Variants in EHF observed in about 807,000 individuals in gnomAD.
EHF encodes ETS homologous factor.
Under a neutral mutation model 45.1 loss-of-function variants are expected in EHF, and 14 were observed. That is an observed-to-expected ratio of 0.31 (90% CI 0.21 to 0.49). The LOEUF (loss-of-function observed/expected upper bound fraction) is 0.49. Among genes scored for constraint, EHF ranks in the 20% least tolerant of loss-of-function variants. The probability of loss-of-function intolerance (pLI) is 0.99; values close to 1 mark genes in which losing one functional copy is unlikely to be tolerated. For synonymous variants in EHF, 136 were observed against 131.8 expected (o/e 1.03, Z -0.22); for missense variants, 282 against 371.4 (o/e 0.76, Z 1.98).
intron 1 of EHF, among the ~76,000 whole-genome samples, chr11:34,641,275 C>T (rs958561504): frequency 2.6e-5 from 4 of 152,158 alleles, no homozygotes; most frequent in Non-Finnish European, 5.9e-5. Context: ...TGTGTGTAGC[C>T]TAGTTCAACC....
At chr11:34,637,271 T>C (rs1464934580) in intron 1 of EHF, among the ~76,000 whole-genome samples, 1 of 152,082 alleles carries the variant, frequency 6.6e-6, no homozygotes, top group African/African-American at 2.4e-5. Context: ...AGGCTGTGCA[T>C]GGTGGTCAGG....
At chr11:34,647,562 A>AT (rs1411512789) in intron 3 of EHF, among the ~76,000 whole-genome samples, 1 of 152,224 alleles carries the variant, frequency 6.6e-6, no homozygotes, top group African/African-American at 2.4e-5. Flanking sequence ...AAGTAGCAAT[A>AT]TTTAAGAACA....
intron 6 of EHF, among the ~76,000 whole-genome samples, chr11:34,656,102 A>T (rs942041882): frequency 5.3e-5 from 8 of 152,066 alleles, no homozygotes; most frequent in African/African-American, 1.9e-4. Flanking sequence ...ACTCACACTC[A>T]CACACACACG....
In EHF at chr11:34,662,271, C is replaced by T. The variant is rs1406910753; in HGVS notation, c.*3340C>T. On this transcript the variant is annotated 3_prime_UTR_variant, in exon 9 of 9. Transcript: ENST00000257831. Reference sequence around the variant, plus strand: ...AATCATTTCTTCAGTGGAATAAGAGCACAACGGCACAACCTTCAAGGACAT... The same window carrying T: ...AATCATTTCTTCAGTGGAATAAGAGTACAACGGCACAACCTTCAAGGACAT... Among the ~76,000 whole-genome samples the T allele has an allele frequency of 6.6e-6, 1 of 152,072 alleles. No individual in the cohort carries two copies. The highest frequency in any genetic ancestry group is 1.9e-4 in the East Asian group (1 of 5,192).
In EHF at chr11:34,649,231, C is replaced by A. The variant is rs186968926; in HGVS notation, c.406+150C>A. 10 of 734,458 alleles carry A rather than the reference C, an allele frequency of 1.4e-5. No individual in the cohort carries two copies. The Admixed American group carries it at 1.7e-4, about 13-fold the overall frequency. The allele number at this position is 734,458 out of a possible 1,614,324, so 45.5% of individuals were successfully genotyped here. On this transcript the variant is annotated intron_variant, in intron 4 of 8. Transcript: ENST00000257831. ...GGCTGTCTCTGATGGGCCACCCCCA[C>A]CATGAATCTCATTCTTGCCCTTGCG...
intron 4 of EHF, among the ~76,000 whole-genome samples, chr11:34,650,348 T>C (rs903699376): frequency 1.3e-5 from 2 of 152,160 alleles, no homozygotes; most frequent in African/African-American, 2.4e-5. Context: ...CAGTTTGTTT[T>C]CAGAGACAAC....
At chr11:34,653,447 G>A (rs958423608) in intron 6 of EHF, among the ~76,000 whole-genome samples, 2 of 152,142 alleles carry the variant, frequency 1.3e-5, no homozygotes, top group Non-Finnish European at 2.9e-5. Flanking sequence ...CAAGGAACTC[G>A]CTCTCTCCTG....
intron 1 of EHF, among the ~76,000 whole-genome samples, chr11:34,636,005 A>C (rs1426441316): frequency 6.6e-6 from 1 of 152,214 alleles, no homozygotes; most frequent in East Asian, 1.9e-4. Context: ...CATGAGATCT[A>C]GTCCTAGGCT....
At position 34,659,047 on chromosome 11, in the gene EHF, G is replaced by A; in HGVS notation, c.*116G>A. On this transcript the variant is annotated 3_prime_UTR_variant, in exon 9 of 9. Coordinates refer to ENST00000257831, the MANE Select transcript of EHF (RefSeq NM_012153.6). Reference sequence around the variant, plus strand: ...TCTCTGATATTTATGTACCATGAGGGGAACAAGAAACTACTTCTAACGGGA... The same window carrying A: ...TCTCTGATATTTATGTACCATGAGGAGAACAAGAAACTACTTCTAACGGGA... 4 of 761,988 alleles carry A rather than the reference G, an allele frequency of 5.2e-6. No homozygotes were observed. The highest frequency in any genetic ancestry group is 2.1e-5 in the South Asian group (1 of 47,794). 47.2% of individuals were successfully genotyped at this position (761,988 alleles called of 1,614,324 possible).
intron 7 of EHF, among the ~76,000 whole-genome samples, chr11:34,657,773 G>A (rs535198707): frequency 6.6e-6 from 1 of 151,094 alleles, no homozygotes; most frequent in South Asian, 2.1e-4. Context: ...TTGGGCCACA[G>A]AGTGATATCC....
At chr11:34,627,201 A>G (rs1280637515) in intron 1 of EHF, among the ~76,000 whole-genome samples, 2 of 151,578 alleles carry the variant, frequency 1.3e-5, no homozygotes, top group Non-Finnish European at 2.9e-5. Flanking sequence ...TAGGGTTTTT[A>G]TTGGGAAGGT....
intron 1 of EHF, among the ~76,000 whole-genome samples, chr11:34,637,021 C>T (rs940906818): frequency 2.7e-5 from 3 of 111,346 alleles, no homozygotes; most frequent in Non-Finnish European, 5.2e-5. Context: ...AAGAGCGAAA[C>T]TTCATCTCAA....
chr11:34,628,867 G>A (rs1376938659), intron 1 of EHF, among the ~76,000 whole-genome samples: 1 of 152,156 alleles, frequency 6.6e-6, no homozygotes, highest in Non-Finnish European at 1.5e-5. Context: ...CAGTTCCACG[G>A]GGCCCCATGC....
rs558003361 is a variant in EHF, at chr11:34,659,829, G to A, written c.*898G>A. 4.6e-5 allele frequency: 7 copies of A among 152,122 alleles called. No individual in the cohort carries two copies. The highest frequency in any genetic ancestry group is 8.8e-5 in the Non-Finnish European group (6 of 68,036). The allele number at this position is 152,122 out of a possible 1,614,324, so 9.4% of individuals were successfully genotyped here. Reference sequence around the variant, plus strand: ...ATCTGCACAATTGACATTTTTGGCCGGAGTGTTCTTTGTGGTGAGGGCTTT... The same window carrying A: ...ATCTGCACAATTGACATTTTTGGCCAGAGTGTTCTTTGTGGTGAGGGCTTT... On this transcript the variant is annotated 3_prime_UTR_variant, in exon 9 of 9. Coordinates refer to ENST00000257831, the MANE Select transcript of EHF (RefSeq NM_012153.6).
At chr11:34,648,936 A>C in intron 3 of EHF, 83 bp from the exon 4 acceptor site, 1 of 1,322,370 alleles carries the variant, frequency 7.6e-7, no homozygotes, top group Non-Finnish European at 1.1e-6. Flanking sequence ...AGCTCTGCAA[A>C]GATGCCAGTT....
intron 3 of EHF, among the ~76,000 whole-genome samples, chr11:34,648,676 A>G (rs1854825533): frequency 2.0e-5 from 3 of 152,166 alleles, no homozygotes; most frequent in African/African-American, 7.2e-5. Flanking sequence ...ACAGATGGGG[A>G]AACTGAGACC....
chr11:34,646,680 G>T lies in EHF; in HGVS notation c.339G>T (p.Trp113Cys). The T allele has an allele frequency of 6.2e-7, 1 of 1,609,336 alleles. No individual in the cohort carries two copies. ...ACAGCAACTTGCAGCATCTGAAGTG[G>T]AACGGTGACTCTCTCTTTCTGTGTC... is the stretch of plus-strand genomic sequence containing the variant. The part of the protein sequence containing the change: ...LLYSNLQHLK[W>C]NGQCSSDLFQ... The change falls in exon 3 of 9, where the codon TGG (tryptophan) becomes TGT (cysteine). Residue 113 changes from tryptophan to cysteine, a missense_variant. This residue lies in a region of EHF where 213 missense variants were observed against 247.3 expected (regional missense o/e 0.86). Coordinates refer to ENST00000257831, the MANE Select transcript of EHF (RefSeq NM_012153.6).
chr11:34,625,636 G>A (rs181908364), intron 1 of EHF, among the ~76,000 whole-genome samples: 20 of 152,342 alleles, frequency 1.3e-4, no homozygotes, highest in Non-Finnish European at 2.6e-4. Flanking sequence ...ACAGGGCCAA[G>A]CAGGGTGGCC....
intron 6 of EHF, among the ~76,000 whole-genome samples, chr11:34,656,629 T>C (rs561169499): frequency 6.6e-6 from 1 of 152,312 alleles, no homozygotes; most frequent in African/African-American, 2.4e-5. Flanking sequence ...TTTTCCCTCA[T>C]ATCCTTTAGG....
Sources: allele counts gnomAD v4.1 joint callset (sites outside exome capture counted in the v4.1 genomes callset), GRCh38; gene constraint gnomAD v4.1.1; regional missense constraint gnomAD v4.1.1; transcripts MANE v1.5; gene names NCBI Gene and HGNC (gene_info 2026-07-23, HGNC 2026-07-21).